The following LYRM4 variants were observed in gnomAD, a reference collection of about 807,000 sequenced individuals.
LYRM4 encodes LYR motif-containing protein 4.
LYRM4 carries 9 observed loss-of-function variants against 11.7 expected under a neutral mutation model. The ratio of observed to expected loss-of-function variants is 0.77; its 90% CI spans 0.46 to 1.34. LYRM4 has a LOEUF of 1.34. LYRM4 is among the 40% of genes most tolerant of loss of function. LYRM4 has a pLI of 0.00. For synonymous variants in LYRM4, 42 were observed against 40.4 expected (o/e 1.04, Z -0.15); for missense variants, 133 against 112.5 (o/e 1.18, Z -0.82).
At chr6:5,176,452 G>A (rs1759726890) in intron 2 of LYRM4, among the ~76,000 whole-genome samples, 1 of 152,186 alleles carries the variant, frequency 6.6e-6, no homozygotes, top group African/African-American at 2.4e-5. Context: ...TGGCTTCTTT[G>A]GTGCTACCAG....
chr6:5,052,286 G>A, the LYRM4 span, among the ~76,000 whole-genome samples: 2 of 152,070 alleles, frequency 1.3e-5, no homozygotes, highest in Admixed American at 1.3e-4. Context: ...ATTCAAGAGA[G>A]TAATGTATTT....
intron 2 of LYRM4, among the ~76,000 whole-genome samples, chr6:5,164,938 A>T (rs1244301549): frequency 7.0e-6 from 1 of 142,050 alleles, no homozygotes; most frequent in African/African-American, 2.6e-5. Flanking sequence ...ACCACACTCT[A>T]GCCTGGGCGA....
At chr6:5,123,841 C>T (rs986360079) in intron 2 of LYRM4, among the ~76,000 whole-genome samples, 7 of 152,312 alleles carry the variant, frequency 4.6e-5, no homozygotes, top group Middle Eastern at 3.4e-3. Flanking sequence ...AGGCCACCAT[C>T]GAGCCACTCA....
intron 2 of LYRM4, among the ~76,000 whole-genome samples, chr6:5,139,529 G>T (rs1757290500): frequency 1.3e-5 from 2 of 152,176 alleles, no homozygotes; most frequent in African/African-American, 4.8e-5. Flanking sequence ...ATATTAACAA[G>T]ATATTGTTAA....
At chr6:5,143,529 T>C (rs1349444234) in intron 2 of LYRM4, among the ~76,000 whole-genome samples, 2 of 152,204 alleles carry the variant, frequency 1.3e-5, no homozygotes, top group African/African-American at 4.8e-5. Context: ...GAGATGTGGC[T>C]GGCATAGGCC....
intron 2 of LYRM4, among the ~76,000 whole-genome samples, chr6:5,159,039 C>G (rs1581403753): frequency 6.6e-6 from 1 of 152,312 alleles, no homozygotes; most frequent in East Asian, 1.9e-4. Context: ...CATGGAAATT[C>G]TAATGCCACT....
chr6:5,156,232 C>A (rs893826770), intron 2 of LYRM4, among the ~76,000 whole-genome samples: 1 of 152,246 alleles, frequency 6.6e-6, no homozygotes, highest in Non-Finnish European at 1.5e-5. Context: ...CTGAGGCTCA[C>A]AGCCCCTTTT....
the LYRM4 span, among the ~76,000 whole-genome samples, chr6:5,060,677 G>A: frequency 7.2e-5 from 11 of 151,994 alleles, no homozygotes; most frequent in African/African-American, 1.7e-4. Context: ...ACAGGCATGC[G>A]CCATCACACC....
At chr6:5,043,355 A>G in the LYRM4 span, 3 of 152,096 alleles carry the variant, frequency 2.0e-5, no homozygotes, top group Non-Finnish European at 4.4e-5. Context: ...TGCCATGTGA[A>G]TGGGAAACTT....
chr6:5,064,490 T>G, the LYRM4 span, among the ~76,000 whole-genome samples: 1 of 152,234 alleles, frequency 6.6e-6, no homozygotes. Flanking sequence ...AATATGAATG[T>G]AATGTATTTG....
chr6:5,121,139 T>C (rs952974646), intron 2 of LYRM4, among the ~76,000 whole-genome samples: 107 of 152,168 alleles, frequency 7.0e-4, no homozygotes, highest in African/African-American at 2.5e-3. Context: ...GTGCATACTT[T>C]TCCAAAAAAC....
intron 2 of LYRM4, among the ~76,000 whole-genome samples, chr6:5,167,645 C>T (rs1759164904): frequency 6.6e-6 from 1 of 152,146 alleles, no homozygotes; most frequent in Non-Finnish European, 1.5e-5. Context: ...CCTTCTTCTC[C>T]TGTCAAGAAG....
the LYRM4 span, among the ~76,000 whole-genome samples, chr6:5,074,858 C>T: frequency 2.0e-5 from 3 of 151,822 alleles, no homozygotes; most frequent in Non-Finnish European, 2.9e-5. Context: ...GGCTGTTGTC[C>T]CTGCTAAATC....
At chr6:5,165,771 G>A (rs1440735626) in intron 2 of LYRM4, among the ~76,000 whole-genome samples, 1 of 152,082 alleles carries the variant, frequency 6.6e-6, no homozygotes, top group Non-Finnish European at 1.5e-5. Flanking sequence ...TCGAATTCCT[G>A]ACCTCAGGTG....
chr6:5,085,704 G>A, the LYRM4 span: 1 of 1,547,376 alleles, frequency 6.5e-7, no homozygotes, highest in South Asian at 1.2e-5. Context: ...AGGAGGAGCT[G>A]CTGGAATGCC....
intron 1 of LYRM4, among the ~76,000 whole-genome samples, chr6:5,218,568 G>A (rs542451304): frequency 8.5e-5 from 13 of 152,278 alleles, no homozygotes; most frequent in African/African-American, 3.1e-4. Flanking sequence ...TTTAGGAACC[G>A]GTACTTAGAA....
chr6:5,112,420 G>A (rs1762925375), intron 2 of LYRM4, among the ~76,000 whole-genome samples: 1 of 152,212 alleles, frequency 6.6e-6, no homozygotes, highest in Non-Finnish European at 1.5e-5. Context: ...AAATGGCTCT[G>A]CCGCGAAGAC....
At chr6:5,081,325 G>A in the LYRM4 span, among the ~76,000 whole-genome samples, 1 of 152,344 alleles carries the variant, frequency 6.6e-6, no homozygotes, top group African/African-American at 2.4e-5. Flanking sequence ...TTGTGCCAGA[G>A]TGGAGGAGTG....
intron 2 of LYRM4, among the ~76,000 whole-genome samples, chr6:5,203,495 G>A (rs1761511293): frequency 6.6e-6 from 1 of 152,110 alleles, no homozygotes; most frequent in Non-Finnish European, 1.5e-5. Flanking sequence ...GATTTTTCCT[G>A]AAGCCTTTAT....
Sources: gnomAD v4.1 joint callset for allele counts (sites outside exome capture counted in the v4.1 genomes callset) on GRCh38, gnomAD v4.1.1 for gene constraint, MANE v1.5 for transcripts, NCBI Gene and HGNC (gene_info 2026-07-23, HGNC 2026-07-21) for gene names.